Variants in FBXL2 observed in about 807,000 individuals in gnomAD.
The protein encoded by FBXL2 is F-box and leucine rich repeat protein 2, also known as F-box/LRR-repeat protein 2.
FBXL2 carries 38 observed loss-of-function variants against 69.2 expected under a neutral mutation model. The ratio of observed to expected loss-of-function variants is 0.55; its 90% CI spans 0.42 to 0.72. FBXL2 has a LOEUF of 0.72. Ranked by LOEUF, FBXL2 falls within the 30% of genes least tolerant of loss-of-function variation. FBXL2 has a pLI of 0.00. For synonymous variants in FBXL2, 192 were observed against 201.3 expected (o/e 0.95, Z 0.39); for missense variants, 354 against 520.3 (o/e 0.68, Z 3.11).
chr3:33,277,386 C>T (rs1441892608), upstream of FBXL2: 4 of 1,045,482 alleles, frequency 3.8e-6, no homozygotes, highest in Non-Finnish European at 4.9e-6. Flanking sequence ...TGCTCGCCGA[C>T]CACCAATGGC....
At chr3:33,411,276 C>T in the FBXL2 span, among the ~76,000 whole-genome samples, 1 of 151,968 alleles carries the variant, frequency 6.6e-6, no homozygotes, top group African/African-American at 2.4e-5. Flanking sequence ...CAATCGTATC[C>T]TTTTAAATAG....
chr3:33,329,048 C>G (rs1009099140), intron 2 of FBXL2, among the ~76,000 whole-genome samples: 1 of 151,908 alleles, frequency 6.6e-6, no homozygotes, highest in Non-Finnish European at 1.5e-5. Flanking sequence ...ACAAACAAAA[C>G]AAAACAAACA....
At chr3:33,340,576 T>TAAAA (rs111348589) in intron 2 of FBXL2, among the ~76,000 whole-genome samples, 17 of 110,070 alleles carry the variant, frequency 1.5e-4, no homozygotes, top group African/African-American at 3.8e-4. Flanking sequence ...TTATTTTGAT[T>TAAAA]AAAAAAAAAA....
intron 13 of FBXL2, among the ~76,000 whole-genome samples, chr3:33,380,203 G>A (rs1296051724): frequency 1.4e-5 from 2 of 142,292 alleles, no homozygotes; most frequent in Non-Finnish European, 3.0e-5. Flanking sequence ...CCAGTCTGGC[G>A]ACAGAGTGAG....
chr3:33,279,893 G>A (rs1348876552), intron 1 of FBXL2, among the ~76,000 whole-genome samples: 2 of 152,052 alleles, frequency 1.3e-5, no homozygotes, highest in African/African-American at 2.4e-5. Flanking sequence ...ACTTGCCTAG[G>A]TCACCCCACT....
intron 2 of FBXL2, among the ~76,000 whole-genome samples, chr3:33,354,883 T>G (rs2041089422): frequency 6.6e-6 from 1 of 152,226 alleles, no homozygotes; most frequent in East Asian, 1.9e-4. Context: ...GAAATATTGT[T>G]GGGTACAGGG....
At chr3:33,393,164 T>A (rs2043836652) in intron 12 of FBXL2, 2 of 906,466 alleles carry the variant, frequency 2.2e-6, no homozygotes, top group African/African-American at 3.5e-5. Context: ...CTCTTGGTTA[T>A]AAGTTCTTCC....
intron 12 of FBXL2, among the ~76,000 whole-genome samples, chr3:33,395,672 CTTAGGACTA>C (rs1236946343): frequency 7.1e-6 from 1 of 141,136 alleles, no homozygotes; most frequent in East Asian, 2.2e-4. Flanking sequence ...AGTCCACACA[CTTAGGACTA>C]TTACATGCAG....
intron 12 of FBXL2, chr3:33,393,462 TAAA>T (rs754581679): frequency 1.5e-5 from 20 of 1,345,680 alleles, no homozygotes; most frequent in Admixed American, 6.6e-5. Context: ...AAACTGAAAT[TAAA>T]AAAAAAAAAA....
intron 12 of FBXL2, among the ~76,000 whole-genome samples, chr3:33,400,663 C>G (rs758422215): frequency 6.6e-6 from 1 of 151,684 alleles, no homozygotes; most frequent in African/African-American, 2.4e-5. Context: ...TAACAGAGAC[C>G]GGGAAGAATG....
chr3:33,322,363 C>CT (rs1369235043), intron 2 of FBXL2, among the ~76,000 whole-genome samples: 1 of 151,994 alleles, frequency 6.6e-6, no homozygotes, highest in Non-Finnish European at 1.5e-5. Context: ...CAGGCGTGAG[C>CT]TACGGCGCCT....
intron 14 of FBXL2, 105 bp from the exon 15 acceptor site, chr3:33,385,396 A>C: frequency 9.9e-7 from 1 of 1,011,872 alleles, no homozygotes; most frequent in Non-Finnish European, 1.6e-6. Context: ...TACTTCAACT[A>C]AGGTGAAGAT....
chr3:33,331,007 G>A (rs931356303), intron 2 of FBXL2, among the ~76,000 whole-genome samples: 18 of 150,500 alleles, frequency 1.2e-4, no homozygotes, highest in African/African-American at 4.4e-4. Context: ...TATCTTACAT[G>A]TACCTGAAAA....
At chr3:33,357,713 T>C (rs2154040572) in intron 2 of FBXL2, among the ~76,000 whole-genome samples, 1 of 152,206 alleles carries the variant, frequency 6.6e-6, no homozygotes, top group Admixed American at 6.5e-5. Flanking sequence ...GTATTTTTAG[T>C]AGAGATGGGG....
chr3:33,377,216 G>A, intron 10 of FBXL2, 57 bp from the exon 11 acceptor site: 1 of 1,497,458 alleles, frequency 6.7e-7, no homozygotes. Flanking sequence ...TAAAATATGT[G>A]TTTCCATTAT....
chr3:33,403,034 TCA>T, intron 12 of FBXL2: 3 of 794,812 alleles, frequency 3.8e-6, no homozygotes, highest in Non-Finnish European at 6.0e-6. Context: ...TCAAGCAACC[TCA>T]CAGACACATG....
chr3:33,378,462 C>T lies in FBXL2; in HGVS notation c.895-223C>T, dbSNP rs115397731. Among the ~76,000 whole-genome samples the T allele has an allele frequency of 3.7e-3, 569 of 152,298 alleles. 8 individuals carry two copies. Among genetic ancestry groups the T allele is most frequent in the Middle Eastern group, 0.031 (9 of 294 alleles). On this transcript the variant is annotated intron_variant, in intron 12 of 14. Transcript: ENST00000484457. ...CCCACTCCCTCTTTGTCCCTTGCCC[C>T]AAGCCTCCTTGGGGTACCAGAAGAG...
intron 2 of FBXL2, among the ~76,000 whole-genome samples, chr3:33,351,150 C>T (rs1463107074): frequency 3.3e-5 from 5 of 152,020 alleles, no homozygotes; most frequent in Non-Finnish European, 7.4e-5. Context: ...GCTGTAATCC[C>T]AGCTACTCAG....
chr3:33,312,718 AACTT>A (rs1462596139), intron 2 of FBXL2, among the ~76,000 whole-genome samples: 2 of 152,110 alleles, frequency 1.3e-5, no homozygotes, highest in African/African-American at 2.4e-5. Context: ...TTATTTATTT[AACTT>A]ACTTAACATA....
Sources: gnomAD v4.1 joint callset for allele counts (sites outside exome capture counted in the v4.1 genomes callset) on GRCh38, gnomAD v4.1.1 for gene constraint, MANE v1.5 for transcripts, NCBI Gene and HGNC (gene_info 2026-07-23, HGNC 2026-07-21) for gene names.